Variants in C4BPA observed in about 807,000 individuals in gnomAD.
C4BPA encodes the protein C4b-binding protein alpha chain.
In C4BPA, 31 loss-of-function variants were observed where a neutral mutation model predicts 63.7. The ratio of observed to expected loss-of-function variants is 0.49; its 90% CI spans 0.37 to 0.66. The LOEUF (loss-of-function observed/expected upper bound fraction) is 0.66, where lower values mean the gene tolerates loss of function less well. C4BPA is among the 30% of genes least tolerant of loss of function. C4BPA has a pLI of 0.00. For synonymous variants in C4BPA, 259 were observed against 254.7 expected, an observed-to-expected ratio of 1.02 and a Z score of -0.16; for missense variants, 572 against 723.3, an observed-to-expected ratio of 0.79 and a Z score of 2.40.
At chr1:207,113,263 A>G (rs1684707950) in intron 2 of C4BPA, 96 bp downstream of exon 2, 1 of 1,333,024 alleles carries the variant, frequency 7.5e-7, no homozygotes. Context: ...CTGAGCTTCT[A>G]GCAGAGACCC....
intron 4 of C4BPA, among the ~76,000 whole-genome samples, chr1:207,115,886 G>A (rs1274099970): frequency 6.6e-6 from 1 of 152,096 alleles, no homozygotes; most frequent in Non-Finnish European, 1.5e-5. Flanking sequence ...TTTTACAACT[G>A]CATAGAATGT....
At chr1:207,116,512 G>GTA (rs369612538) in intron 4 of C4BPA, among the ~76,000 whole-genome samples, 1 of 44,746 alleles carries the variant, frequency 2.2e-5, no homozygotes, top group Non-Finnish European at 6.5e-5. Flanking sequence ...GTGTGTGTGT[G>GTA]TATATGTGTG....
chr1:207,117,647 C>A (rs1490238792), intron 4 of C4BPA, among the ~76,000 whole-genome samples: 1 of 152,120 alleles, frequency 6.6e-6, no homozygotes, highest in Non-Finnish European at 1.5e-5. Context: ...TTAACAAGTA[C>A]ATAGGAAACT....
At chr1:207,115,660 C>G (rs1413219692) in intron 4 of C4BPA, 145 bp downstream of exon 4, 1 of 478,460 alleles carries the variant, frequency 2.1e-6, no homozygotes, top group Admixed American at 4.4e-5. Context: ...CACCACATTC[C>G]TTCCCGTCCT....
intron 1 of C4BPA, 55 bp from the exon 2 acceptor site, chr1:207,112,946 C>A: frequency 6.8e-7 from 1 of 1,463,290 alleles, no homozygotes; most frequent in Admixed American, 2.4e-5. Flanking sequence ...TATTCTAGTG[C>A]TTTATGACAA....
At chr1:207,144,252 C>A (rs955576344) in intron 11 of C4BPA, among the ~76,000 whole-genome samples, 1 of 152,140 alleles carries the variant, frequency 6.6e-6, no homozygotes, top group Non-Finnish European at 1.5e-5. Flanking sequence ...GTACTGATTT[C>A]TAGCCTAACT....
At chr1:207,144,026 G>A (rs754806326) in intron 11 of C4BPA, 33 bp downstream of exon 11, 2 of 1,505,894 alleles carry the variant, frequency 1.3e-6, no homozygotes, top group South Asian at 2.7e-5. Context: ...GTTCTGTGCT[G>A]TCGACCCCTA....
chr1:207,129,665 A>G (rs1685121096), intron 7 of C4BPA, among the ~76,000 whole-genome samples: 1 of 152,196 alleles, frequency 6.6e-6, no homozygotes, highest in African/African-American at 2.4e-5. Context: ...GAAAGCAGCT[A>G]GATGACACAT....
Position 207,118,715 on chromosome 1 carries a change from T to A in C4BPA, c.428+3200T>A, listed in dbSNP as rs191926098. Among the ~76,000 whole-genome samples the A allele has an allele frequency of 1.3e-4, 20 of 152,348 alleles. No individual in the cohort carries two copies. The East Asian group carries it at 3.9e-3, about 29-fold the overall frequency. On this transcript the variant is annotated intron_variant, in intron 4 of 11. Coordinates refer to ENST00000367070, the MANE Select transcript of C4BPA (RefSeq NM_000715.4). Reference sequence around the variant, plus strand: ...TATTATTTGTAAAAATTTAAAAAAATTCTTTCAGTTGAATTCTCTTAGGAT... The same window carrying A: ...TATTATTTGTAAAAATTTAAAAAAAATCTTTCAGTTGAATTCTCTTAGGAT...
intron 4 of C4BPA, among the ~76,000 whole-genome samples, chr1:207,118,035 C>A (rs1183767132): frequency 6.6e-6 from 1 of 151,980 alleles, no homozygotes; most frequent in Non-Finnish European, 1.5e-5. Context: ...GAGTTTAAAC[C>A]TCTGGCAAAA....
At chr1:207,134,168 AC>A (rs1685228810) in intron 8 of C4BPA, among the ~76,000 whole-genome samples, 1 of 152,180 alleles carries the variant, frequency 6.6e-6, no homozygotes, top group Non-Finnish European at 1.5e-5. Flanking sequence ...GTTTAATCCA[AC>A]TTTTCATTTT....
chr1:207,115,883 A>G (rs1321500414), intron 4 of C4BPA, among the ~76,000 whole-genome samples: 1 of 152,166 alleles, frequency 6.6e-6, no homozygotes, highest in African/African-American at 2.4e-5. Context: ...TCTTTTTACA[A>G]CTGCATAGAA....
rs1309100197 is a variant in C4BPA at position 207,143,959 on chromosome 1, G to T, written c.1586G>T (p.Arg529Ile). Residue 529 changes from arginine (R) to isoleucine (I), a missense_variant, in exon 11 of 12, where the codon AGA (arginine) becomes ATA (isoleucine). Arg to Ile is a moderately conservative substitution (Grantham distance 97). Around this residue, in one of 2 missense-constraint regions of C4BPA, gnomAD observed 465 missense variants for 629.4 expected, o/e 0.74. Transcript: ENST00000367070. ...CAAAGTATCACTTGCTCTGGGAACA[G>T]AACCTGGTACCCAGAGGTGCCCAAG... Reference protein sequence around the residue: ...GPQSITCSGNRTWYPEVPKCE... With the variant: ...GPQSITCSGNITWYPEVPKCE... The T allele has an allele frequency of 6.2e-7, 1 of 1,603,440 alleles. No homozygotes were observed. The highest frequency in any genetic ancestry group is 1.3e-5 in the African/African-American group (1 of 74,546).
chr1:207,126,347 A>G (rs1685044048), intron 6 of C4BPA, among the ~76,000 whole-genome samples: 1 of 148,040 alleles, frequency 6.8e-6, no homozygotes, highest in Non-Finnish European at 1.5e-5. Flanking sequence ...TATATTATAG[A>G]ATATATAAAA....
chr1:207,114,511 T>TGAGA (rs1491580381), intron 3 of C4BPA, among the ~76,000 whole-genome samples: 1 of 136,712 alleles, frequency 7.3e-6, no homozygotes, highest in East Asian at 2.3e-4. Context: ...TTTTTTTTTT[T>TGAGA]GAGACAGAGT....
intron 8 of C4BPA, among the ~76,000 whole-genome samples, chr1:207,133,534 T>C (rs993311532): frequency 2.6e-5 from 4 of 152,144 alleles, no homozygotes; most frequent in African/African-American, 9.7e-5. Flanking sequence ...GAGGCCGAGG[T>C]GGGGGGCCAC....
intron 4 of C4BPA, among the ~76,000 whole-genome samples, chr1:207,123,043 C>T (rs1684952159): frequency 6.6e-6 from 1 of 151,932 alleles, no homozygotes; most frequent in African/African-American, 2.4e-5. Flanking sequence ...CCTCTGTTTT[C>T]CTTATTGTGT....
In C4BPA at chr1:207,138,968, T is replaced by TG. The variant is rs965169251; in HGVS notation, c.1274-2133dup. 3.3e-5 allele frequency among the ~76,000 whole-genome samples: 5 copies of TG among 152,192 alleles called. 1 individual carries two copies. Among genetic ancestry groups the TG allele is most frequent in the Admixed American group, 3.3e-4 (5 of 15,280 alleles). On this transcript the variant is annotated intron_variant, in intron 9 of 11. Coordinates refer to ENST00000367070, the MANE Select transcript of C4BPA (RefSeq NM_000715.4). ...ATCATGCTAATACCTCTTGCTTATC[T>TG]GGGGGAATTAACATGATGCCATTGA...
rs988382849 is a variant in C4BPA at position 207,141,219 on chromosome 1, C to G, written c.1387C>G (p.Gln463Glu). The G allele has an allele frequency of 1.2e-6, 2 of 1,613,652 alleles. No individual in the cohort carries two copies. The highest frequency in any genetic ancestry group is 1.7e-6 in the Non-Finnish European group (2 of 1,179,814). Residue 463 changes from glutamine to glutamate, a missense_variant, in exon 10 of 12, where the codon CAG (glutamine) becomes GAG (glutamate). Coordinates refer to ENST00000367070, the MANE Select transcript of C4BPA (RefSeq NM_000715.4). Reference sequence around the variant, plus strand: ...TGATAAAGGCTACATTCTGGTCGGACAGGCGAAACTCTCCTGCAGTTATTC... The same window carrying G: ...TGATAAAGGCTACATTCTGGTCGGAGAGGCGAAACTCTCCTGCAGTTATTC... ...ECDKGYILVGQAKLSCSYSHW... is the reference protein window; with the variant it reads ...ECDKGYILVGEAKLSCSYSHW...
Sources: gnomAD v4.1 joint callset for allele counts (sites outside exome capture counted in the v4.1 genomes callset) on GRCh38, gnomAD v4.1.1 for gene constraint, gnomAD v4.1.1 regional missense constraint, MANE v1.5 for transcripts, NCBI Gene and HGNC (gene_info 2026-07-23, HGNC 2026-07-21) for gene names.